Variants in CMIP observed in about 807,000 individuals in gnomAD.
CMIP encodes C-Maf-inducing protein.
Under a neutral mutation model 97.3 loss-of-function variants are expected in CMIP, and 13 were observed. The ratio of observed to expected loss-of-function variants is 0.13; its 90% confidence interval spans 0.09 to 0.21. The LOEUF is 0.21. Ranked by LOEUF, CMIP falls within the 10% of genes least tolerant of loss-of-function variation. The pLI is 1.00. For missense variants in CMIP, 847 were observed against 1,024.9 expected (o/e 0.83, Z 2.37); for synonymous variants, 538 against 436.3 (o/e 1.23, Z -2.91).
intron 16 of CMIP, 109 bp from the exon 17 acceptor site, chr16:81,702,513 A>T: frequency 2.6e-6 from 3 of 1,153,648 alleles, no homozygotes; most frequent in Non-Finnish European, 3.8e-6. Context: ...GTTGCCTTGT[A>T]CCACCAAGAA....
rs528005171 is a variant in CMIP at position 81,549,515 on chromosome 16, T to A, written c.301-58052T>A. Among the ~76,000 whole-genome samples the A allele has an allele frequency of 4.8e-4, 73 of 152,046 alleles. 1 individual carries two copies. The highest frequency in any genetic ancestry group is 1.4e-3 in the Admixed American group (21 of 15,286). On this transcript the variant is annotated intron_variant, in intron 1 of 20. Transcript: ENST00000537098. ...CCAGGAAACTGTCCCATGTAGGGGA[T>A]TTTCATGGCTGGGCTCTGTGTGTGT...
chr16:81,631,510 C>G (rs2092158666), intron 3 of CMIP: 1 of 152,226 alleles, frequency 6.6e-6, no homozygotes, highest in South Asian at 2.1e-4. Flanking sequence ...CCCCTCCTCC[C>G]CACCATGGGC....
chr16:81,549,203 C>T (rs180717476), intron 1 of CMIP, among the ~76,000 whole-genome samples: 163 of 152,314 alleles, frequency 1.1e-3, no homozygotes, highest in African/African-American at 3.7e-3. Context: ...AGGAGGGAGC[C>T]GGTCAACCTG....
chr16:81,492,079 A>G (rs561296206), intron 1 of CMIP, among the ~76,000 whole-genome samples: 1 of 152,112 alleles, frequency 6.6e-6, no homozygotes, highest in Non-Finnish European at 1.5e-5. Flanking sequence ...TAGCGTTTTT[A>G]TCCTTTCCTT....
At chr16:81,465,824 C>T (rs1250788410) in intron 1 of CMIP, among the ~76,000 whole-genome samples, 1 of 152,218 alleles carries the variant, frequency 6.6e-6, no homozygotes, top group Non-Finnish European at 1.5e-5. Flanking sequence ...TGAGTTCCCT[C>T]GCTCCAGACC....
chr16:81,606,149 G>A (rs1425018408), intron 1 of CMIP, among the ~76,000 whole-genome samples: 1 of 152,230 alleles, frequency 6.6e-6, no homozygotes, highest in Non-Finnish European at 1.5e-5. Context: ...TGGAACACAG[G>A]ATAGAGGTCA....
chr16:81,620,785 C>T (rs74031223), intron 2 of CMIP, 91 bp from the exon 3 acceptor site: 1 of 1,461,532 alleles, frequency 6.8e-7, no homozygotes, highest in Non-Finnish European at 9.5e-7. Context: ...GTCTACAGAG[C>T]AGGCTTGGGG....
At position 81,453,735 on chromosome 16, in the gene CMIP, G is replaced by A. The variant is rs1414372997; in HGVS notation, c.300+8194G>A. ...GCCCAGTTCTTGCAGTCCTGCAGGGGTCTCCCGAGGGTTCTGCCCCCTCTT... is the reference window on the plus strand; with the variant it reads ...GCCCAGTTCTTGCAGTCCTGCAGGGATCTCCCGAGGGTTCTGCCCCCTCTT... On this transcript the variant is annotated intron_variant, in intron 1 of 20. Coordinates refer to ENST00000537098, the MANE Select transcript of CMIP (RefSeq NM_198390.3). This position sits in a 1 kb window ranked among gnomAD's most constrained non-coding sequence, Gnocchi z 4.0. Among the ~76,000 whole-genome samples, 1 of 152,222 alleles carries A rather than the reference G, an allele frequency of 6.6e-6. No individual in the cohort carries two copies. The highest frequency in any genetic ancestry group is 2.4e-5 in the African/African-American group (1 of 41,462).
intron 3 of CMIP, chr16:81,630,959 CT>C: frequency 6.6e-6 from 1 of 152,408 alleles, no homozygotes. Context: ...AATGGGAAAC[CT>C]TTTGGGGCCA....
At chr16:81,456,780 A>G (rs1906576301) in intron 1 of CMIP, among the ~76,000 whole-genome samples, 1 of 152,204 alleles carries the variant, frequency 6.6e-6, no homozygotes, top group African/African-American at 2.4e-5. Flanking sequence ...AAAGGCCCAC[A>G]GTGGCCAGGC....
intron 2 of CMIP, chr16:81,620,648 A>C (rs1441074109): frequency 3.9e-6 from 2 of 515,804 alleles, no homozygotes; most frequent in Non-Finnish European, 7.0e-6. Context: ...AAGGAAGCAC[A>C]CGGTGCTAGT....
At chr16:81,676,824 T>A (rs916741555) in intron 9 of CMIP, among the ~76,000 whole-genome samples, 5 of 150,604 alleles carry the variant, frequency 3.3e-5, no homozygotes, top group African/African-American at 7.3e-5. Flanking sequence ...TTCCCCCAGC[T>A]GCAACAATTC....
At chr16:81,661,089 A>G (rs2092540976) in intron 6 of CMIP, 143 bp downstream of exon 6, 1 of 963,416 alleles carries the variant, frequency 1.0e-6, no homozygotes, top group Non-Finnish European at 1.7e-6. Flanking sequence ...CGGAGAGGGC[A>G]TGCCCGGCAC....
chr16:81,650,094 G>C (rs565010498), intron 3 of CMIP, among the ~76,000 whole-genome samples: 1 of 152,208 alleles, frequency 6.6e-6, no homozygotes, highest in Non-Finnish European at 1.5e-5. Flanking sequence ...CGTTAATGAA[G>C]TTCAGCCAGT....
At chr16:81,699,556 G>A in intron 14 of CMIP, 129 bp from the exon 15 acceptor site, 1 of 629,038 alleles carries the variant, frequency 1.6e-6, no homozygotes, top group Non-Finnish European at 2.9e-6. Context: ...GGTGATCCTA[G>A]AACACCTGGC....
intron 1 of CMIP, among the ~76,000 whole-genome samples, chr16:81,533,049 C>T (rs1464415500): frequency 1.3e-5 from 2 of 152,192 alleles, no homozygotes; most frequent in Non-Finnish European, 2.9e-5. Context: ...GAAGTCACCT[C>T]CTTGGGCTGT....
intron 1 of CMIP, among the ~76,000 whole-genome samples, chr16:81,521,051 C>T (rs1405569838): frequency 6.6e-6 from 1 of 152,198 alleles, no homozygotes; most frequent in Non-Finnish European, 1.5e-5. Context: ...CTTTTTGCAG[C>T]CTGGGAACAG....
intron 1 of CMIP, among the ~76,000 whole-genome samples, chr16:81,601,220 G>A (rs1010884763): frequency 6.6e-6 from 1 of 152,322 alleles, no homozygotes; most frequent in East Asian, 1.9e-4. Context: ...CTTCTTTTGG[G>A]GTCCGGGAGC....
chr16:81,529,340 G>A (rs2090188531), intron 1 of CMIP, among the ~76,000 whole-genome samples: 1 of 152,162 alleles, frequency 6.6e-6, no homozygotes, highest in South Asian at 2.1e-4. Flanking sequence ...CCATGCTTGG[G>A]ACACTCAGTG....
Sources: allele counts gnomAD v4.1 joint callset (sites outside exome capture counted in the v4.1 genomes callset), GRCh38; gene constraint gnomAD v4.1.1; non-coding constraint Gnocchi (gnomAD v3.1); transcripts MANE v1.5; gene names NCBI Gene and HGNC (gene_info 2026-07-23, HGNC 2026-07-21).